Variants in MDGA2 observed in about 807,000 individuals in gnomAD.
MDGA2 encodes the protein MAM domain-containing glycosylphosphatidylinositol anchor protein 2.
In MDGA2, 40 loss-of-function variants were observed where a neutral mutation model predicts 117.8. That is an observed-to-expected ratio of 0.34 (90% CI 0.26 to 0.44). The LOEUF (loss-of-function observed/expected upper bound fraction) is 0.44, where lower values mean the gene tolerates loss of function less well. MDGA2 is among the 20% of genes least tolerant of loss of function. The probability of loss-of-function intolerance (pLI) is 1.00; values close to 1 mark genes in which losing one functional copy is unlikely to be tolerated. For synonymous variants in MDGA2, 452 were observed against 439.0 expected, an observed-to-expected ratio of 1.03 and a Z score of -0.37; for missense variants, 1,123 against 1,250.6, an observed-to-expected ratio of 0.90 and a Z score of 1.54.
chr14:47,318,366 T>C (rs983225833), intron 1 of MDGA2, among the ~76,000 whole-genome samples: 5 of 152,124 alleles, frequency 3.3e-5, no homozygotes, highest in Non-Finnish European at 7.4e-5. Flanking sequence ...GGCCTTTGCA[T>C]GCATGTTGTT....
intron 3 of MDGA2, among the ~76,000 whole-genome samples, chr14:47,207,782 C>G (rs1219375458): frequency 6.6e-6 from 1 of 151,900 alleles, no homozygotes; most frequent in African/African-American, 2.4e-5. Flanking sequence ...GTGACAAACT[C>G]AAGAGATCAT....
chr14:47,354,761 G>A lies in MDGA2; in HGVS notation c.281-53211C>T, dbSNP rs1295404796. On this transcript the variant is annotated intron_variant, in intron 1 of 16. Transcript: ENST00000399232. ...ATCAAACAAACCCTGTCTTTGGCTG[G>A]TTGGTGCCCTGGGGGATTGAGAGAC... Among the ~76,000 whole-genome samples, 6 of 152,288 alleles carry A rather than the reference G, an allele frequency of 3.9e-5. No homozygotes were observed. In the East Asian group the frequency reaches 1.2e-3, roughly 29 times the overall value.
At chr14:46,932,610 C>T (rs940298548) in intron 9 of MDGA2, among the ~76,000 whole-genome samples, 1 of 152,064 alleles carries the variant, frequency 6.6e-6, no homozygotes, top group East Asian at 1.9e-4. Flanking sequence ...ATAAGGCCCA[C>T]GATGATGCCC....
At chr14:46,977,039 G>A (rs1325562703) in intron 8 of MDGA2, among the ~76,000 whole-genome samples, 1 of 151,802 alleles carries the variant, frequency 6.6e-6, no homozygotes, top group East Asian at 1.9e-4. Flanking sequence ...CTAATGACAT[G>A]GAGACCAAAT....
intron 1 of MDGA2, among the ~76,000 whole-genome samples, chr14:47,470,116 T>TTA (rs199679327): frequency 0.01 from 959 of 92,974 alleles, 8 homozygotes; most frequent in African/African-American, 0.027. Context: ...ATTTATTTAT[T>TTA]TTTATTTTTT....
chr14:47,506,940 TC>T (rs1042532049), intron 1 of MDGA2, among the ~76,000 whole-genome samples: 3 of 151,900 alleles, frequency 2.0e-5, no homozygotes, highest in Non-Finnish European at 4.4e-5. Context: ...CTTTTTTTTT[TC>T]TGTTTTTATG....
chr14:47,013,145 A>G (rs931997019), intron 8 of MDGA2, among the ~76,000 whole-genome samples: 11 of 152,148 alleles, frequency 7.2e-5, no homozygotes, highest in African/African-American at 2.4e-4. Flanking sequence ...GATTCTCTGA[A>G]GCATGTCTGG....
chr14:46,988,313 A>G (rs1445421915), intron 8 of MDGA2, among the ~76,000 whole-genome samples: 1 of 152,092 alleles, frequency 6.6e-6, no homozygotes, highest in Non-Finnish European at 1.5e-5. Flanking sequence ...CTGGATAGAA[A>G]CAAGAAGGGT....
intron 8 of MDGA2, among the ~76,000 whole-genome samples, chr14:47,001,165 T>A (rs548271940): frequency 6.6e-6 from 1 of 152,012 alleles, no homozygotes; most frequent in Non-Finnish European, 1.5e-5. Context: ...AAGCCATTTA[T>A]GCAGCCAGGT....
At chr14:47,204,628 C>G (rs944665218) in intron 3 of MDGA2, among the ~76,000 whole-genome samples, 4 of 152,014 alleles carry the variant, frequency 2.6e-5, no homozygotes, top group African/African-American at 9.6e-5. Flanking sequence ...ATTCTGTTAA[C>G]AGTGGAACTT....
rs190034923 is a variant in MDGA2, at chr14:46,919,830, C to T, written c.2238+182G>A. 3.1e-4 allele frequency among the ~76,000 whole-genome samples: 47 copies of T among 152,128 alleles called. 1 individual carries two copies. The highest frequency in any genetic ancestry group is 2.6e-3 in the Admixed American group (39 of 15,270). On this transcript the variant is annotated intron_variant, in intron 10 of 16. Transcript: ENST00000399232. ...AATTTCAAAGATTTTTCAAGTAAGTCGGAACAGTTTATGTGGAGTAATATA... is the reference window on the plus strand; with the variant it reads ...AATTTCAAAGATTTTTCAAGTAAGTTGGAACAGTTTATGTGGAGTAATATA...
At chr14:47,068,411 A>AT (rs1369736685) in intron 6 of MDGA2, among the ~76,000 whole-genome samples, 10 of 111,214 alleles carry the variant, frequency 9.0e-5, no homozygotes, top group African/African-American at 3.3e-4. Context: ...TAAGTAAGAA[A>AT]AAAAAAATAT....
intron 8 of MDGA2, among the ~76,000 whole-genome samples, chr14:46,990,731 T>C (rs1887055697): frequency 2.0e-5 from 3 of 151,954 alleles, no homozygotes. Flanking sequence ...AATACAAATT[T>C]TTCTTGGATA....
chr14:47,077,255 T>C (rs550140650), intron 6 of MDGA2, among the ~76,000 whole-genome samples: 2 of 152,118 alleles, frequency 1.3e-5, no homozygotes, highest in Non-Finnish European at 2.9e-5. Context: ...CAGTTGCTTT[T>C]CGTTTTGGTC....
chr14:47,586,544 A>C (rs1249860567), intron 1 of MDGA2, among the ~76,000 whole-genome samples: 1 of 151,918 alleles, frequency 6.6e-6, no homozygotes, highest in Non-Finnish European at 1.5e-5. Flanking sequence ...ATCAGGACTC[A>C]AGTCCACTGG....
At chr14:46,933,347 A>G (rs1222338079) in intron 9 of MDGA2, among the ~76,000 whole-genome samples, 6 of 152,050 alleles carry the variant, frequency 3.9e-5, no homozygotes, top group Non-Finnish European at 8.8e-5. Flanking sequence ...GTCTTTAAAA[A>G]AATTTTTTTT....
intron 1 of MDGA2, among the ~76,000 whole-genome samples, chr14:47,401,435 A>C (rs989689392): frequency 6.6e-6 from 1 of 152,190 alleles, no homozygotes; most frequent in Non-Finnish European, 1.5e-5. Flanking sequence ...TCTGCTTGCC[A>C]GAAAAGGGCG....
At chr14:47,191,016 T>C (rs992217420) in intron 3 of MDGA2, among the ~76,000 whole-genome samples, 2 of 152,170 alleles carry the variant, frequency 1.3e-5, no homozygotes, top group Non-Finnish European at 2.9e-5. Context: ...AAGTTGAGAC[T>C]TGCCCTATGG....
chr14:47,105,222 CA>C (rs1263960792), intron 5 of MDGA2, among the ~76,000 whole-genome samples: 1 of 152,148 alleles, frequency 6.6e-6, no homozygotes, highest in Non-Finnish European at 1.5e-5. Flanking sequence ...TCCTAGGGGG[CA>C]AGAAGCCCCC....
Sources: gnomAD v4.1 joint callset for allele counts (sites outside exome capture counted in the v4.1 genomes callset) on GRCh38, gnomAD v4.1.1 for gene constraint, MANE v1.5 for transcripts, NCBI Gene and HGNC (gene_info 2026-07-23, HGNC 2026-07-21) for gene names.